Variants in CLEC19A observed in about 807,000 individuals in gnomAD.
CLEC19A encodes C-type lectin domain containing 19A, also known as C-type lectin domain family 19 member A.
Under a neutral mutation model 26.1 loss-of-function variants are expected in CLEC19A, and 21 were observed. The observed-to-expected ratio is 0.80, with a 90% CI of 0.57 to 1.16. The LOEUF (loss-of-function observed/expected upper bound fraction) is 1.16. CLEC19A is among the 50% of genes most tolerant of loss of function. The pLI is 0.00. For synonymous variants in CLEC19A, 89 were observed against 88.6 expected (o/e 1.00, Z -0.03); for missense variants, 224 against 227.6 (o/e 0.98, Z 0.10).
chr16:19,304,182 C>G (rs1197102968), intron 3 of CLEC19A, 27 bp downstream of exon 3: 22 of 1,530,100 alleles, frequency 1.4e-5, no homozygotes, highest in Non-Finnish European at 1.9e-5. Flanking sequence ...CATTGGGCCC[C>G]CTTGGAAGCT....
chr16:19,300,116 C>G (rs1398697882), intron 2 of CLEC19A, among the ~76,000 whole-genome samples: 1 of 151,858 alleles, frequency 6.6e-6, no homozygotes, highest in African/African-American at 2.4e-5. Context: ...CCCAGCTACT[C>G]GGGAGGCTGG....
intron 1 of CLEC19A, among the ~76,000 whole-genome samples, chr16:19,297,023 C>T (rs980468461): frequency 1.3e-5 from 2 of 152,196 alleles, no homozygotes; most frequent in African/African-American, 4.8e-5. Flanking sequence ...AGCCATCCAA[C>T]CTAGTATGAG....
chr16:19,301,975 C>T (rs915804886), intron 2 of CLEC19A, among the ~76,000 whole-genome samples: 14 of 151,932 alleles, frequency 9.2e-5, no homozygotes, highest in African/African-American at 3.4e-4. Context: ...ACTCCATGCC[C>T]AGCAGTAGGA....
At chr16:19,285,966 C>T in intron 1 of CLEC19A, 27 bp downstream of exon 1, 1 of 1,543,494 alleles carries the variant, frequency 6.5e-7, no homozygotes. Flanking sequence ...GGGCTGGGAG[C>T]AGGTGGAGAG....
chr16:19,300,154 G>T (rs963176380), intron 2 of CLEC19A, among the ~76,000 whole-genome samples: 2 of 151,954 alleles, frequency 1.3e-5, no homozygotes, highest in Admixed American at 6.6e-5. Flanking sequence ...AACCCAGGGG[G>T]CAGAAGTTGC....
chr16:19,291,564 T>G (rs1897584590), intron 1 of CLEC19A, among the ~76,000 whole-genome samples: 2 of 152,230 alleles, frequency 1.3e-5, no homozygotes, highest in African/African-American at 4.8e-5. Flanking sequence ...ACACAGTGAA[T>G]GCTGAGTCAG....
chr16:19,294,474 G>A (rs1897662398), intron 1 of CLEC19A, among the ~76,000 whole-genome samples: 1 of 152,196 alleles, frequency 6.6e-6, no homozygotes, highest in South Asian at 2.1e-4. Context: ...TCTGAAGCAG[G>A]GAATTGAAAC....
At position 19,309,031 on chromosome 16, in the gene CLEC19A, G is replaced by A. The variant is rs1898012567; in HGVS notation, c.509G>A (p.Cys170Tyr). ...CTGAGGTCATGGAATGATAACACCT[G>A]CAGCCGGAAGTTCCCCTTTGTCTGC... ...SALRSWNDNTCSRKFPFVCKI... is the reference protein window; with the variant it reads ...SALRSWNDNTYSRKFPFVCKI... Residue 170 changes from cysteine to tyrosine, a missense_variant, in exon 5 of 5, where the codon TGC (cysteine) becomes TAC (tyrosine). Coordinates refer to ENST00000636231, the MANE Select transcript of CLEC19A (RefSeq NM_001256720.2). 2 of 1,548,324 alleles carry A rather than the reference G, an allele frequency of 1.3e-6. No homozygotes were observed. Among genetic ancestry groups the A allele is most frequent in the Non-Finnish European group, 1.7e-6 (2 of 1,146,774 alleles).
rs1241313440 is a variant in CLEC19A, at chr16:19,287,276, A to G, written c.88+1337A>G. 3.3e-5 allele frequency among the ~76,000 whole-genome samples: 5 copies of G among 152,264 alleles called. No homozygotes were observed. In the East Asian group the frequency reaches 9.7e-4, roughly 29 times the overall value. ...TGAGGACTCTCTTCCTGGCTTGCAG[A>G]TGGCCGCCTTCTCACTGTACCCTCA... On this transcript the variant is annotated intron_variant, in intron 1 of 4. Transcript: ENST00000636231.
chr16:19,308,962 G>C, intron 4 of CLEC19A, 42 bp from the exon 5 acceptor site: 1 of 1,499,808 alleles, frequency 6.7e-7, no homozygotes, highest in Non-Finnish European at 9.1e-7. Flanking sequence ...TTATCTTGGC[G>C]GATGGATTTT....
At chr16:19,292,113 A>G (rs776432850) in intron 1 of CLEC19A, among the ~76,000 whole-genome samples, 8 of 152,298 alleles carry the variant, frequency 5.3e-5, no homozygotes, top group Non-Finnish European at 1.0e-4. Flanking sequence ...TTAATTAATT[A>G]TTAATTCCTC....
rs1275673341 is a variant in CLEC19A, at chr16:19,301,742, T to TG, written c.255-2320_255-2319insG. ...CCATGCCCAGGTTTTTTTGGTTTTT[T>TG]TTTTTTTTTTTTTTTTTTTTTTGTA... On this transcript the variant is annotated intron_variant, in intron 2 of 4. Coordinates refer to ENST00000636231, the MANE Select transcript of CLEC19A (RefSeq NM_001256720.2). Among the ~76,000 whole-genome samples, 11 of 100,536 alleles carry TG rather than the reference T, an allele frequency of 1.1e-4. 1 individual carries two copies. Among genetic ancestry groups the TG allele is most frequent in the African/African-American group, 4.8e-4 (9 of 18,816 alleles). 66.0% of individuals were successfully genotyped at this position (100,536 alleles called of 152,430 possible).
At chr16:19,304,004 C>T (rs541051265) in intron 2 of CLEC19A, 58 bp from the exon 3 acceptor site, 2 of 1,391,712 alleles carry the variant, frequency 1.4e-6, no homozygotes, top group Non-Finnish European at 2.0e-6. Flanking sequence ...CAATTTTTGA[C>T]TCCATCCTAT....
In CLEC19A at chr16:19,298,842, A is replaced by G; in HGVS notation, c.254+4A>G. The G allele has an allele frequency of 6.5e-7, 1 of 1,549,856 alleles. No individual in the cohort carries two copies. On this transcript the variant is annotated splice_donor_region_variant and intron_variant, in intron 2 of 4. Transcript: ENST00000636231. ...CCAAGCTGGCCTCCATCCACAGGTA[A>G]GTGGGATCCCCAGTGCCCCATAGTT...
At position 19,309,378 on chromosome 16, in the gene CLEC19A, C is replaced by T. The variant is rs549924039; in HGVS notation, c.*295C>T. The T allele has an allele frequency of 6.5e-4, 189 of 289,346 alleles. No individual in the cohort carries two copies. The highest frequency in any genetic ancestry group is 3.6e-3 in the Middle Eastern group (3 of 830). 17.9% of individuals were successfully genotyped at this position (289,346 alleles called of 1,614,324 possible). ...AATCTCACTGGCCTGGCTCGGGTCA[C>T]GTGCCCATCCCTGAAGCAATCACTT... On this transcript the variant is annotated 3_prime_UTR_variant, in exon 5 of 5. Transcript: ENST00000636231.
At chr16:19,292,990 G>T (rs959514881) in intron 1 of CLEC19A, among the ~76,000 whole-genome samples, 27 of 152,046 alleles carry the variant, frequency 1.8e-4, no homozygotes, top group Admixed American at 1.8e-3. Flanking sequence ...AGGAAGAACA[G>T]CTAAAAGGTG....
intron 4 of CLEC19A, among the ~76,000 whole-genome samples, chr16:19,308,672 G>T (rs747255374): frequency 6.6e-6 from 1 of 152,186 alleles, no homozygotes; most frequent in Admixed American, 6.5e-5. Context: ...ACACTTAATT[G>T]TTATTCCCTC....
At chr16:19,290,387 T>G (rs1326861206) in intron 1 of CLEC19A, among the ~76,000 whole-genome samples, 2 of 150,154 alleles carry the variant, frequency 1.3e-5, no homozygotes, top group African/African-American at 4.9e-5. Flanking sequence ...CCTCTTCTCC[T>G]TCTCAAGTTC....
At chr16:19,295,198 G>C (rs1378891998) in intron 1 of CLEC19A, among the ~76,000 whole-genome samples, 1 of 151,784 alleles carries the variant, frequency 6.6e-6, no homozygotes, top group African/African-American at 2.4e-5. Context: ...GGACTCTCAG[G>C]GTTTTGTTGT....
Sources: allele counts gnomAD v4.1 joint callset (sites outside exome capture counted in the v4.1 genomes callset), GRCh38; gene constraint gnomAD v4.1.1; transcripts MANE v1.5; gene names NCBI Gene and HGNC (gene_info 2026-07-23, HGNC 2026-07-21).